The following MCC variants were observed in gnomAD, a reference collection of about 807,000 sequenced individuals.
The protein encoded by MCC is colorectal mutant cancer protein.
A neutral mutation model predicts 116.2 loss-of-function variants in MCC; 90 were observed. The ratio of observed to expected loss-of-function variants is 0.77; its 90% CI spans 0.65 to 0.92. The LOEUF (loss-of-function observed/expected upper bound fraction) is 0.92. MCC is among the 40% of genes least tolerant of loss of function. The probability of loss-of-function intolerance (pLI) is 0.00; values close to 1 mark genes in which losing one functional copy is unlikely to be tolerated. For synonymous variants in MCC, 578 were observed against 510.5 expected (o/e 1.13, Z -1.78); for missense variants, 1,516 against 1,312.2 (o/e 1.16, Z -2.40).
chr5:113,030,724 C>G (rs571409766), intron 17 of MCC, among the ~76,000 whole-genome samples: 21 of 152,066 alleles, frequency 1.4e-4, no homozygotes, highest in Non-Finnish European at 2.8e-4. Flanking sequence ...GGGAGGATAT[C>G]TGATACATTA....
At chr5:113,366,408 G>A (rs1345224202) in intron 2 of MCC, among the ~76,000 whole-genome samples, 1 of 151,920 alleles carries the variant, frequency 6.6e-6, no homozygotes, top group Admixed American at 6.6e-5. Context: ...CATATTCTCT[G>A]GAGAATTATT....
chr5:113,096,536 G>C (rs1350948316), intron 8 of MCC, among the ~76,000 whole-genome samples: 2 of 152,142 alleles, frequency 1.3e-5, no homozygotes, highest in African/African-American at 2.4e-5. Context: ...ATGTAAATCA[G>C]CTGCATCAGA....
intron 3 of MCC, among the ~76,000 whole-genome samples, chr5:113,183,928 CCCCA>C (rs1197727721): frequency 1.4e-5 from 2 of 146,524 alleles, no homozygotes; most frequent in African/African-American, 5.0e-5. Flanking sequence ...CTTCACAATT[CCCCA>C]TGCAATTTTT....
chr5:113,210,771 T>A (rs988655957), intron 3 of MCC, among the ~76,000 whole-genome samples: 19 of 152,124 alleles, frequency 1.2e-4, no homozygotes, highest in African/African-American at 4.6e-4. Flanking sequence ...GAGTGTTGCA[T>A]AGGCAACAGT....
At chr5:113,462,353 C>A (rs1771765970) in intron 1 of MCC, among the ~76,000 whole-genome samples, 1 of 152,182 alleles carries the variant, frequency 6.6e-6, no homozygotes, top group African/African-American at 2.4e-5. Flanking sequence ...TTTCATAGTT[C>A]CCAGGGCAGC....
At chr5:113,089,528 A>C (rs1176809188) in intron 8 of MCC, among the ~76,000 whole-genome samples, 1 of 152,208 alleles carries the variant, frequency 6.6e-6, no homozygotes, top group African/African-American at 2.4e-5. Context: ...ACAGTCAGCG[A>C]AGTGGGAATA....
At chr5:113,486,791 A>C (rs548159772) in intron 1 of MCC, among the ~76,000 whole-genome samples, 1 of 152,128 alleles carries the variant, frequency 6.6e-6, no homozygotes, top group East Asian at 1.9e-4. Flanking sequence ...GCAGTGAGCC[A>C]AGACCACGCC....
At position 113,345,420 on chromosome 5, in the gene MCC, G is replaced by A. The variant is rs6875638; in HGVS notation, c.416-4690C>T. Among the ~76,000 whole-genome samples the A allele has an allele frequency of 1.9e-3, 296 of 152,310 alleles. 3 individuals carry two copies. The highest frequency in any genetic ancestry group is 6.7e-3 in the African/African-American group (280 of 41,570). ...GCCCTAGGGCCTTGAGTGAACATAG[G>A]CAGTAGCCACATAGTGGTTACAGTG... On this transcript the variant is annotated intron_variant, in intron 2 of 18. Transcript: ENST00000408903.
At chr5:113,235,093 T>C (rs1764079480) in intron 3 of MCC, among the ~76,000 whole-genome samples, 2 of 152,224 alleles carry the variant, frequency 1.3e-5, no homozygotes, top group Non-Finnish European at 2.9e-5. Context: ...ATTGTTTGAG[T>C]GAGCTGATTC....
chr5:113,174,993 A>C (rs1761260222), intron 3 of MCC, among the ~76,000 whole-genome samples: 4 of 152,066 alleles, frequency 2.6e-5, no homozygotes, highest in Admixed American at 2.6e-4. Context: ...ATTTTATATG[A>C]GCTTAGATGG....
chr5:113,152,218 C>A (rs1443684), intron 3 of MCC, among the ~76,000 whole-genome samples: 151,650 of 152,324 alleles, frequency 1, 75,493 homozygotes, highest in Middle Eastern at 1. Context: ...CCAGAATCTC[C>A]ATCTGTTCAA....
chr5:113,275,719 T>G (rs908827945), intron 3 of MCC, among the ~76,000 whole-genome samples: 1 of 152,166 alleles, frequency 6.6e-6, no homozygotes, highest in African/African-American at 2.4e-5. Context: ...CACACTGTAT[T>G]AGCTATTATA....
At chr5:113,209,043 C>A (rs1251199477) in intron 3 of MCC, among the ~76,000 whole-genome samples, 1 of 152,218 alleles carries the variant, frequency 6.6e-6, no homozygotes, top group Non-Finnish European at 1.5e-5. Flanking sequence ...TACAGGCTAT[C>A]TCTTAAATTA....
intron 1 of MCC, among the ~76,000 whole-genome samples, chr5:113,445,509 G>A (rs1044988001): frequency 1.3e-5 from 2 of 151,798 alleles, no homozygotes; most frequent in Non-Finnish European, 2.9e-5. Context: ...ATAGCCACAC[G>A]AAAAATAAAA....
chr5:113,400,875 T>G (rs1481705452), intron 1 of MCC, among the ~76,000 whole-genome samples: 1 of 152,146 alleles, frequency 6.6e-6, no homozygotes, highest in Admixed American at 6.5e-5. Context: ...CCTCACTAAT[T>G]GAATATTCTA....
chr5:113,162,553 G>C (rs2150298259), intron 3 of MCC, among the ~76,000 whole-genome samples: 1 of 152,102 alleles, frequency 6.6e-6, no homozygotes, highest in Non-Finnish European at 1.5e-5. Context: ...TTAGAATGCA[G>C]TGGCAAGAAC....
At chr5:113,167,651 G>T (rs1428873556) in intron 3 of MCC, among the ~76,000 whole-genome samples, 4 of 151,808 alleles carry the variant, frequency 2.6e-5, no homozygotes, top group African/African-American at 9.7e-5. Flanking sequence ...TTTTATTTTT[G>T]AGACAGGGTC....
intron 3 of MCC, among the ~76,000 whole-genome samples, chr5:113,215,950 T>C (rs1385360894): frequency 6.6e-6 from 1 of 152,192 alleles, no homozygotes; most frequent in Non-Finnish European, 1.5e-5. Context: ...AATCGCTTTG[T>C]TGTTCAATCA....
chr5:113,132,463 CACACACACACACACAT>C (rs1758520374), intron 5 of MCC, among the ~76,000 whole-genome samples: 2 of 137,628 alleles, frequency 1.5e-5, no homozygotes, highest in African/African-American at 5.9e-5. Context: ...CACACACACA[CACACACACACACACAT>C]ACATATATAT....
Sources: gnomAD v4.1 joint callset for allele counts (sites outside exome capture counted in the v4.1 genomes callset) on GRCh38, gnomAD v4.1.1 for gene constraint, MANE v1.5 for transcripts, NCBI Gene and HGNC (gene_info 2026-07-23, HGNC 2026-07-21) for gene names.